Variants in LRPPRC observed in about 807,000 individuals in gnomAD.
LRPPRC encodes the protein leucine rich pentatricopeptide repeat containing, also known as leucine-rich PPR motif-containing protein, mitochondrial.
Under a neutral mutation model 180.3 loss-of-function variants are expected in LRPPRC, and 120 were observed. The observed-to-expected ratio is 0.67, with a 90% CI of 0.57 to 0.77. The LOEUF is 0.77. Ranked by LOEUF, LRPPRC falls within the 30% of genes least tolerant of loss-of-function variation. The pLI, the probability that LRPPRC is intolerant of heterozygous loss-of-function variation, is 0.00. For missense variants in LRPPRC, 2,012 were observed against 1,657.2 expected (o/e 1.21, Z -3.72); for synonymous variants, 723 against 600.0 (o/e 1.21, Z -3.00).
At chr2:43,991,257 C>G (rs1316506091) in intron 1 of LRPPRC, among the ~76,000 whole-genome samples, 1 of 152,090 alleles carries the variant, frequency 6.6e-6, no homozygotes, top group Non-Finnish European at 1.5e-5. Context: ...GTCTCAAACT[C>G]CTGACCTCAA....
chr2:43,924,743 A>G (rs1671816229), intron 27 of LRPPRC, among the ~76,000 whole-genome samples: 1 of 152,228 alleles, frequency 6.6e-6, no homozygotes, highest in Admixed American at 6.5e-5. Flanking sequence ...AAAGTCACCA[A>G]TAAATTTACC....
chr2:43,888,476 A>G lies in LRPPRC; in HGVS notation c.*124T>C, dbSNP rs1346467804. ...AGTTATGGTCAATAAGACTTTGAACATGCATCACACATACATAAGTACATA... is the reference window on the plus strand; with the variant it reads ...AGTTATGGTCAATAAGACTTTGAACGTGCATCACACATACATAAGTACATA... On this transcript the variant is annotated 3_prime_UTR_variant, in exon 38 of 38. Transcript: ENST00000260665. 3 of 667,242 alleles carry G rather than the reference A, an allele frequency of 4.5e-6. No individual in the cohort carries two copies. In the East Asian group the frequency reaches 8.7e-5, roughly 19 times the overall value. 41.3% of individuals were successfully genotyped at this position (667,242 alleles called of 1,614,324 possible). A position where few individuals can be genotyped will look rare whatever the true frequency, so the allele number is the denominator to read the frequency against.
In LRPPRC at chr2:43,888,961, C is replaced by T. The variant is rs10445885; in HGVS notation, c.4129-305G>A. Among the ~76,000 whole-genome samples the T allele has an allele frequency of 0.61, 92,411 of 152,090 alleles. 30,091 individuals are homozygous for T. The highest frequency in any genetic ancestry group is 0.95 in the East Asian group (4,898 of 5,170). ...AAGGCTGAGGTGTTTGAAATAAACA[C>T]GGTGTATTGACTCAGTTCAATGACA... On this transcript the variant is annotated intron_variant, in intron 37 of 37. Coordinates refer to ENST00000260665, the MANE Select transcript of LRPPRC (RefSeq NM_133259.4).
chr2:43,911,321 A>G (rs1484386357), intron 30 of LRPPRC, among the ~76,000 whole-genome samples: 1 of 151,950 alleles, frequency 6.6e-6, no homozygotes, highest in African/African-American at 2.4e-5. Context: ...CATACAGAAC[A>G]TGTTTTTCAA....
At chr2:43,926,246 C>G (rs1236047142) in intron 25 of LRPPRC, among the ~76,000 whole-genome samples, 3 of 152,168 alleles carry the variant, frequency 2.0e-5, no homozygotes, top group Non-Finnish European at 4.4e-5. Flanking sequence ...CCGATAATTT[C>G]CAAATGCTGC....
At chr2:43,905,161 T>TA (rs1449378768) in intron 31 of LRPPRC, among the ~76,000 whole-genome samples, 3 of 152,024 alleles carry the variant, frequency 2.0e-5, no homozygotes, top group Admixed American at 6.6e-5. Context: ...CTGTTGGTAT[T>TA]ATGAACTATT....
intron 29 of LRPPRC, 24 bp downstream of exon 29, chr2:43,918,001 A>AC: frequency 4.0e-6 from 4 of 994,650 alleles, no homozygotes; most frequent in East Asian, 3.3e-5. Context: ...CCCCACACAC[A>AC]CCCCCATCCC....
At chr2:43,918,846 T>G (rs191361404) in intron 27 of LRPPRC, among the ~76,000 whole-genome samples, 42 of 147,730 alleles carry the variant, frequency 2.8e-4, no homozygotes, top group African/African-American at 9.4e-4. Context: ...TCTCTATATA[T>G]AGAGATATAT....
chr2:43,971,735 G>C (rs977762060), intron 11 of LRPPRC, among the ~76,000 whole-genome samples: 1 of 151,818 alleles, frequency 6.6e-6, no homozygotes, highest in African/African-American at 2.4e-5. Context: ...CAAGTTCATT[G>C]CACTAATAAG....
chr2:43,967,567 G>A (rs570045763), intron 11 of LRPPRC, among the ~76,000 whole-genome samples: 19 of 152,156 alleles, frequency 1.2e-4, no homozygotes, highest in East Asian at 3.9e-4. Flanking sequence ...GGTGGCAGGC[G>A]CCTATAATCC....
At chr2:43,978,703 A>G (rs1021424930) in intron 3 of LRPPRC, among the ~76,000 whole-genome samples, 2 of 152,128 alleles carry the variant, frequency 1.3e-5, no homozygotes, top group African/African-American at 2.4e-5. Context: ...ATCAAAATGT[A>G]TTCTAGATGT....
intron 37 of LRPPRC, 97 bp downstream of exon 37, chr2:43,889,637 C>T: frequency 2.0e-6 from 2 of 1,022,480 alleles, no homozygotes; most frequent in South Asian, 1.3e-5. Context: ...ATCTAATCCT[C>T]ATGTAATTAA....
intron 30 of LRPPRC, among the ~76,000 whole-genome samples, chr2:43,909,171 C>A (rs1671166863): frequency 6.6e-6 from 1 of 152,096 alleles, no homozygotes; most frequent in East Asian, 1.9e-4. Context: ...ATTTTCAGTC[C>A]AGCATTATTT....
intron 14 of LRPPRC, among the ~76,000 whole-genome samples, chr2:43,953,446 TAAAG>T (rs1672982293): frequency 6.6e-6 from 1 of 152,222 alleles, no homozygotes; most frequent in South Asian, 2.1e-4. Context: ...ATGTCAAGAA[TAAAG>T]ACAGATTTGC....
At chr2:43,971,511 A>AAAAAAAGAAAAAAAT (rs1673809712) in intron 11 of LRPPRC, among the ~76,000 whole-genome samples, 1 of 148,494 alleles carries the variant, frequency 6.7e-6, no homozygotes, top group African/African-American at 2.4e-5. Context: ...AAAAGAAAAA[A>AAAAAAAGAAAAAAAT]ATATATATAT....
At chr2:43,924,520 T>A (rs1671808593) in intron 27 of LRPPRC, among the ~76,000 whole-genome samples, 1 of 152,200 alleles carries the variant, frequency 6.6e-6, no homozygotes, top group African/African-American at 2.4e-5. Context: ...ATAGGCTGAA[T>A]AAATTTTAGT....
At chr2:43,974,987 A>T (rs1023499859) in intron 7 of LRPPRC, 104 bp downstream of exon 7, 2 of 1,230,928 alleles carry the variant, frequency 1.6e-6, no homozygotes, top group Non-Finnish European at 2.4e-6. Flanking sequence ...GCAAGGAAAC[A>T]TCTTTGAAAA....
intron 29 of LRPPRC, among the ~76,000 whole-genome samples, chr2:43,913,048 G>C (rs1671320698): frequency 6.6e-6 from 1 of 152,178 alleles, no homozygotes; most frequent in South Asian, 2.1e-4. Flanking sequence ...TAGCACTAAA[G>C]AGAATATAGC....
chr2:43,964,409 G>A (rs148897814), intron 11 of LRPPRC, among the ~76,000 whole-genome samples: 3 of 152,156 alleles, frequency 2.0e-5, no homozygotes, highest in Non-Finnish European at 4.4e-5. Flanking sequence ...CACCTAATTT[G>A]ACAGAGGCTA....
Sources: gnomAD v4.1 joint callset for allele counts (sites outside exome capture counted in the v4.1 genomes callset) on GRCh38, gnomAD v4.1.1 for gene constraint, MANE v1.5 for transcripts, NCBI Gene and HGNC (gene_info 2026-07-23, HGNC 2026-07-21) for gene names.